Variants in EEFSEC observed in about 807,000 individuals in gnomAD.
EEFSEC encodes the protein selenocysteine-specific elongation factor.
In EEFSEC, 43 loss-of-function variants were observed where a neutral mutation model predicts 42.1. That is an observed-to-expected ratio of 1.02 (90% CI 0.80 to 1.32). The LOEUF (loss-of-function observed/expected upper bound fraction) is 1.32, where lower values mean the gene tolerates loss of function less well. Ranked by LOEUF, EEFSEC falls within the 40% of genes most tolerant of loss-of-function variation. The pLI is 0.00. For synonymous variants in EEFSEC, 354 were observed against 339.1 expected (o/e 1.04, Z -0.48); for missense variants, 745 against 803.6 (o/e 0.93, Z 0.88).
At chr3:128,377,582 C>G (rs2067724682) in intron 6 of EEFSEC, among the ~76,000 whole-genome samples, 1 of 152,262 alleles carries the variant, frequency 6.6e-6, no homozygotes, top group African/African-American at 2.4e-5. Context: ...TAACAGTAAC[C>G]AACCTTGCCA....
intron 1 of EEFSEC, among the ~76,000 whole-genome samples, chr3:128,209,796 A>T (rs1365971472): frequency 1.3e-5 from 2 of 152,182 alleles, no homozygotes; most frequent in Non-Finnish European, 2.9e-5. Flanking sequence ...TTATAAAGGG[A>T]GATTTGGGTA....
At chr3:128,278,916 TGGCAGCTGCTGCTGC>T (rs1165196924) in intron 4 of EEFSEC, among the ~76,000 whole-genome samples, 3 of 152,240 alleles carry the variant, frequency 2.0e-5, no homozygotes, top group Middle Eastern at 3.2e-3. Context: ...GCTGCTGCTG[TGGCAGCTGCTGCTGC>T]GAAACAAACC....
chr3:128,189,426 C>T (rs943870767), intron 1 of EEFSEC, among the ~76,000 whole-genome samples: 3 of 152,172 alleles, frequency 2.0e-5, no homozygotes, highest in Non-Finnish European at 2.9e-5. Context: ...CTGGTGTAAC[C>T]AAACCTACTG....
intron 4 of EEFSEC, among the ~76,000 whole-genome samples, chr3:128,288,633 C>T (rs2066611188): frequency 6.6e-6 from 1 of 152,224 alleles, no homozygotes; most frequent in Non-Finnish European, 1.5e-5. Context: ...AGCAAGCTGC[C>T]AGTACATTGG....
intron 1 of EEFSEC, among the ~76,000 whole-genome samples, chr3:128,185,219 C>T (rs2065452653): frequency 6.6e-6 from 1 of 152,038 alleles, no homozygotes; most frequent in Admixed American, 6.6e-5. Context: ...GGCCCCATCG[C>T]TGCTGGGGTA....
intron 2 of EEFSEC, among the ~76,000 whole-genome samples, chr3:128,260,485 C>G (rs2066286066): frequency 6.6e-6 from 1 of 152,178 alleles, no homozygotes; most frequent in Admixed American, 6.5e-5. Flanking sequence ...TTTCAACAAA[C>G]TCCCCCAGGG....
chr3:128,194,878 AT>A (rs2065565950), intron 1 of EEFSEC, among the ~76,000 whole-genome samples: 1 of 152,226 alleles, frequency 6.6e-6, no homozygotes, highest in African/African-American at 2.4e-5. Context: ...GTGACTTTTA[AT>A]TTCCTTTTAT....
intron 6 of EEFSEC, among the ~76,000 whole-genome samples, chr3:128,376,069 T>C (rs895868719): frequency 1.2e-4 from 18 of 152,312 alleles, no homozygotes; most frequent in African/African-American, 2.4e-5. Flanking sequence ...TCTCCATAGA[T>C]GGTCTTCCAG....
chr3:128,357,096 C>T (rs958581694), intron 5 of EEFSEC, among the ~76,000 whole-genome samples: 8 of 152,158 alleles, frequency 5.3e-5, no homozygotes, highest in Admixed American at 2.0e-4. Context: ...GACTGGTGGG[C>T]ACTTCTTATC....
At chr3:128,293,157 G>C (rs1474027590) in intron 4 of EEFSEC, among the ~76,000 whole-genome samples, 1 of 152,096 alleles carries the variant, frequency 6.6e-6, no homozygotes, top group Non-Finnish European at 1.5e-5. Flanking sequence ...CATGTTTTCT[G>C]TCCTCTGAAG....
At chr3:128,332,076 T>C (rs1220309275) in intron 4 of EEFSEC, among the ~76,000 whole-genome samples, 1 of 152,196 alleles carries the variant, frequency 6.6e-6, no homozygotes, top group African/African-American at 2.4e-5. Context: ...AAAGAAATAC[T>C]ATACAGCTGT....
At chr3:128,220,750 G>T (rs1169917279) in intron 1 of EEFSEC, among the ~76,000 whole-genome samples, 1 of 152,180 alleles carries the variant, frequency 6.6e-6, no homozygotes, top group Non-Finnish European at 1.5e-5. Flanking sequence ...GCGAGAAAGG[G>T]CCAACCTCCC....
intron 1 of EEFSEC, among the ~76,000 whole-genome samples, chr3:128,167,473 T>G (rs1438714626): frequency 6.6e-6 from 1 of 152,248 alleles, no homozygotes; most frequent in Non-Finnish European, 1.5e-5. Context: ...CAAATAGAGT[T>G]CAACAGTGGA....
At chr3:128,359,131 G>C (rs746873397) in intron 6 of EEFSEC, among the ~76,000 whole-genome samples, 4 of 152,140 alleles carry the variant, frequency 2.6e-5, no homozygotes, top group Non-Finnish European at 5.9e-5. Flanking sequence ...ATGCTGCTTT[G>C]GATAGGGTGA....
intron 1 of EEFSEC, among the ~76,000 whole-genome samples, chr3:128,173,788 G>T (rs972936394): frequency 6.6e-6 from 1 of 152,176 alleles, no homozygotes; most frequent in African/African-American, 2.4e-5. Context: ...TTTGCGTTTG[G>T]AGGTAATTAT....
chr3:128,237,505 GA>G (rs933401004), intron 1 of EEFSEC, among the ~76,000 whole-genome samples: 4 of 152,104 alleles, frequency 2.6e-5, no homozygotes, highest in African/African-American at 9.7e-5. Context: ...ACAATTATGT[GA>G]TTGTCCCTGT....
At chr3:128,411,040 TG>T (rs1334885511), downstream of EEFSEC, among the ~76,000 whole-genome samples, 8 of 152,212 alleles carry the variant, frequency 5.3e-5, no homozygotes. Context: ...CCCAGCCGAC[TG>T]CCCCAGGAGA....
At chr3:128,338,788 G>A (rs1056677585) in intron 4 of EEFSEC, among the ~76,000 whole-genome samples, 13 of 152,154 alleles carry the variant, frequency 8.5e-5, no homozygotes, top group African/African-American at 2.7e-4. Flanking sequence ...TCAGCAGATT[G>A]CCTTGTGGGG....
intron 4 of EEFSEC, among the ~76,000 whole-genome samples, chr3:128,318,818 G>A (rs920951860): frequency 6.6e-6 from 1 of 151,986 alleles, no homozygotes; most frequent in Non-Finnish European, 1.5e-5. Flanking sequence ...ACGAGCAGCG[G>A]TTGATGCCTG....
Sources: gnomAD v4.1 joint callset for allele counts (sites outside exome capture counted in the v4.1 genomes callset) on GRCh38, gnomAD v4.1.1 for gene constraint, MANE v1.5 for transcripts, NCBI Gene and HGNC (gene_info 2026-07-23, HGNC 2026-07-21) for gene names.